Variants in MPPED2 observed in about 807,000 individuals in gnomAD.
The protein encoded by MPPED2 is metallophosphoesterase MPPED2.
In MPPED2, 5 loss-of-function variants were observed where a neutral mutation model predicts 33.0. The ratio of observed to expected loss-of-function variants is 0.15; its 90% confidence interval spans 0.08 to 0.32. The LOEUF is 0.32. MPPED2 is among the 10% of genes least tolerant of loss of function. MPPED2 has a pLI of 1.00. For synonymous variants in MPPED2, 136 were observed against 141.9 expected, an observed-to-expected ratio of 0.96 and a Z score of 0.29; for missense variants, 275 against 372.1, an observed-to-expected ratio of 0.74 and a Z score of 2.15.
chr11:30,449,428 C>T (rs1190919011), intron 4 of MPPED2, among the ~76,000 whole-genome samples: 1 of 152,144 alleles, frequency 6.6e-6, no homozygotes, highest in African/African-American at 2.4e-5. Context: ...AAACAGATTA[C>T]TTGAGCCCAG....
At chr11:30,443,927 G>A (rs1949691884) in intron 4 of MPPED2, among the ~76,000 whole-genome samples, 1 of 152,180 alleles carries the variant, frequency 6.6e-6, no homozygotes. Context: ...CACATTTGAT[G>A]AATGGATGAA....
rs771014072 is a variant in MPPED2 at position 30,411,567 on chromosome 11, G to A, written c.786C>T (p.Asp262=). The change falls in exon 7 of 7, where the codon GAC becomes GAT. Residue 262 remains aspartate (D), a synonymous_variant. Coordinates refer to ENST00000358117, the MANE Select transcript of MPPED2 (RefSeq NM_001584.3). ...AGGCATTGATGTACGTTGTGTAACCGTCGGTCATGATGCCATAACCTGTGG... is the reference window on the plus strand; with the variant it reads ...AGGCATTGATGTACGTTGTGTAACCATCGGTCATGATGCCATAACCTGTGG... The part of the protein sequence containing the change: ...GIHEGYGIMT[D]GYTTYINAST... 3.0e-5 allele frequency: 49 copies of A among 1,613,260 alleles called. No individual in the cohort carries two copies. Among genetic ancestry groups the A allele is most frequent in the Admixed American group, 5.0e-5 (3 of 59,996 alleles).
intron 4 of MPPED2, among the ~76,000 whole-genome samples, chr11:30,473,826 C>G (rs966951791): frequency 1.3e-5 from 2 of 152,150 alleles, no homozygotes; most frequent in African/African-American, 2.4e-5. Context: ...CAATAGTAAA[C>G]AGAAAACCCA....
chr11:30,438,130 T>G (rs756128627), intron 4 of MPPED2, among the ~76,000 whole-genome samples: 79 of 152,166 alleles, frequency 5.2e-4, no homozygotes, highest in Middle Eastern at 3.2e-3. Flanking sequence ...GTTTATTAAA[T>G]GAACAAAGTA....
chr11:30,425,275 C>T (rs899639724), intron 4 of MPPED2, among the ~76,000 whole-genome samples: 4 of 152,082 alleles, frequency 2.6e-5, no homozygotes, highest in African/African-American at 9.7e-5. Flanking sequence ...TAATAAAGAA[C>T]AAGTGTCAGC....
chr11:30,477,554 G>A (rs1015910962), intron 4 of MPPED2, among the ~76,000 whole-genome samples: 1 of 151,744 alleles, frequency 6.6e-6, no homozygotes, highest in African/African-American at 2.4e-5. Flanking sequence ...TGTATTCCTG[G>A]TATAAATCCA....
intron 4 of MPPED2, among the ~76,000 whole-genome samples, chr11:30,449,700 C>T (rs1333934904): frequency 1.3e-5 from 2 of 152,106 alleles, no homozygotes; most frequent in Non-Finnish European, 2.9e-5. Flanking sequence ...CCTTTTCTGC[C>T]TAAAAACAGG....
At chr11:30,558,103 T>C (rs899753131) in intron 2 of MPPED2, among the ~76,000 whole-genome samples, 1 of 152,162 alleles carries the variant, frequency 6.6e-6, no homozygotes, top group African/African-American at 2.4e-5. Context: ...TTGCAGGAAT[T>C]GGTCAACCAA....
intron 3 of MPPED2, among the ~76,000 whole-genome samples, chr11:30,532,799 T>G (rs1240667783): frequency 3.3e-5 from 5 of 152,184 alleles, no homozygotes; most frequent in Non-Finnish European, 7.4e-5. Flanking sequence ...CTGTGCTCGA[T>G]TATCTGATAA....
At chr11:30,494,737 C>CAAAAAAAAAAAAAAAAAA (rs767500886) in intron 4 of MPPED2, among the ~76,000 whole-genome samples, 5 of 47,600 alleles carry the variant, frequency 1.1e-4, no homozygotes, top group Admixed American at 3.1e-4. Context: ...TACTCCACCT[C>CAAAAAAAAAAAAAAAAAA]AAAAAAAAAA....
intron 4 of MPPED2, among the ~76,000 whole-genome samples, chr11:30,445,046 C>G (rs1949743366): frequency 6.6e-6 from 1 of 152,164 alleles, no homozygotes; most frequent in African/African-American, 2.4e-5. Context: ...ATGAACAGTT[C>G]CTTTAAAGCT....
At chr11:30,425,139 G>A (rs1948775816) in intron 4 of MPPED2, among the ~76,000 whole-genome samples, 1 of 152,162 alleles carries the variant, frequency 6.6e-6, no homozygotes, top group African/African-American at 2.4e-5. Context: ...TCATGGACAG[G>A]AAAGGAACAA....
chr11:30,478,890 G>A (rs1291809427), intron 4 of MPPED2, among the ~76,000 whole-genome samples: 2 of 151,596 alleles, frequency 1.3e-5, no homozygotes, highest in Non-Finnish European at 2.9e-5. Flanking sequence ...TTTTGTTGCT[G>A]TTCACAATAT....
At chr11:30,450,019 A>C (rs1451429075) in intron 4 of MPPED2, among the ~76,000 whole-genome samples, 1 of 152,200 alleles carries the variant, frequency 6.6e-6, no homozygotes. Context: ...TTTTCTGTGG[A>C]GCCCCTGTGC....
intron 4 of MPPED2, among the ~76,000 whole-genome samples, chr11:30,489,745 C>A (rs1951891169): frequency 6.6e-6 from 1 of 152,188 alleles, no homozygotes; most frequent in Non-Finnish European, 1.5e-5. Flanking sequence ...CATTGGAAAG[C>A]CCCACTCATA....
chr11:30,410,208 C>T, downstream of MPPED2: 3 of 985,780 alleles, frequency 3.0e-6, no homozygotes, highest in Non-Finnish European at 3.6e-6. Flanking sequence ...CCATCCAACC[C>T]TCTAAACAGC....
intron 2 of MPPED2, among the ~76,000 whole-genome samples, chr11:30,537,918 C>T (rs117111303): frequency 3.9e-4 from 59 of 152,116 alleles, no homozygotes; most frequent in Non-Finnish European, 7.5e-4. Context: ...GTCTTCCTTT[C>T]CATCACTGAG....
At chr11:30,547,620 A>G (rs1955493099) in intron 2 of MPPED2, among the ~76,000 whole-genome samples, 2 of 152,216 alleles carry the variant, frequency 1.3e-5, no homozygotes, top group South Asian at 4.1e-4. Flanking sequence ...AAAGCAATGC[A>G]AATAATTTTT....
At chr11:30,500,050 C>A (rs1234044143) in intron 3 of MPPED2, among the ~76,000 whole-genome samples, 2 of 152,142 alleles carry the variant, frequency 1.3e-5, no homozygotes, top group African/African-American at 2.4e-5. Flanking sequence ...GCCTGATGGG[C>A]CACTATATTA....
Sources: gnomAD v4.1 joint callset for allele counts (sites outside exome capture counted in the v4.1 genomes callset) on GRCh38, gnomAD v4.1.1 for gene constraint, MANE v1.5 for transcripts, NCBI Gene and HGNC (gene_info 2026-07-23, HGNC 2026-07-21) for gene names.